TBX15: variants seen among roughly 807,000 people sequenced by gnomAD.
TBX15 encodes the protein T-box transcription factor 15.
Under a neutral mutation model 53.9 loss-of-function variants are expected in TBX15, and 18 were observed. The observed-to-expected ratio is 0.33, with a 90% CI of 0.23 to 0.49. The LOEUF (loss-of-function observed/expected upper bound fraction) is 0.49. Ranked by LOEUF, TBX15 falls within the 20% of genes least tolerant of loss-of-function variation. The pLI is 0.98. For synonymous variants in TBX15, 295 were observed against 278.0 expected, an observed-to-expected ratio of 1.06 and a Z score of -0.61; for missense variants, 692 against 749.5, an observed-to-expected ratio of 0.92 and a Z score of 0.90.
intron 5 of TBX15, among the ~76,000 whole-genome samples, chr1:118,917,344 C>G (rs1393142804): frequency 1.3e-5 from 2 of 152,122 alleles, no homozygotes; most frequent in African/African-American, 4.8e-5. Flanking sequence ...CACATGTTCT[C>G]TCTTATAAGT....
intron 5 of TBX15, among the ~76,000 whole-genome samples, chr1:118,914,965 A>C (rs1390155683): frequency 6.6e-6 from 1 of 152,144 alleles, no homozygotes; most frequent in Non-Finnish European, 1.5e-5. Flanking sequence ...TTCAACCCCC[A>C]CTCAATGCAT....
chr1:118,978,650 T>C (rs2101049612), intron 1 of TBX15, among the ~76,000 whole-genome samples: 2 of 152,318 alleles, frequency 1.3e-5, no homozygotes, highest in Non-Finnish European at 2.9e-5. Flanking sequence ...ATGGATATAA[T>C]ACAGAACATG....
chr1:118,949,632 G>A (rs765652183), intron 1 of TBX15, among the ~76,000 whole-genome samples: 1 of 152,236 alleles, frequency 6.6e-6, no homozygotes, highest in African/African-American at 2.4e-5. Context: ...GTGTGATCAA[G>A]TCACTCAAGA....
At chr1:118,894,400 A>G (rs1654350175) in intron 7 of TBX15, among the ~76,000 whole-genome samples, 1 of 152,214 alleles carries the variant, frequency 6.6e-6, no homozygotes, top group Non-Finnish European at 1.5e-5. Context: ...GACAATGTTA[A>G]GGAATATGTC....
intron 1 of TBX15, among the ~76,000 whole-genome samples, chr1:118,960,976 G>T (rs997957625): frequency 6.6e-6 from 1 of 152,172 alleles, no homozygotes; most frequent in Admixed American, 6.5e-5. Flanking sequence ...AGATCTGCAG[G>T]CAGCAGCAGT....
chr1:118,971,519 C>A (rs1251672036), intron 1 of TBX15, among the ~76,000 whole-genome samples: 1 of 152,172 alleles, frequency 6.6e-6, no homozygotes, highest in African/African-American at 2.4e-5. Context: ...CAGTGCTCTC[C>A]AGGGTTTTGC....
At chr1:118,895,821 A>C (rs934101128) in intron 7 of TBX15, among the ~76,000 whole-genome samples, 4 of 152,228 alleles carry the variant, frequency 2.6e-5, no homozygotes, top group African/African-American at 9.6e-5. Context: ...CAATAGGAAG[A>C]GCAAACTAAA....
At chr1:118,925,168 C>T (rs991100645) in intron 3 of TBX15, among the ~76,000 whole-genome samples, 1 of 152,214 alleles carries the variant, frequency 6.6e-6, no homozygotes, top group African/African-American at 2.4e-5. Flanking sequence ...CCTGAACTCA[C>T]ATGTCTAGCT....
At chr1:118,948,266 A>G (rs1656406840) in intron 1 of TBX15, among the ~76,000 whole-genome samples, 1 of 152,108 alleles carries the variant, frequency 6.6e-6, no homozygotes, top group South Asian at 2.1e-4. Context: ...CATCTTTAAA[A>G]GGTCAGTTTA....
Position 118,987,768 on chromosome 1 carries a change from C to A in TBX15, c.28G>T (p.Ala10Ser), listed in dbSNP as rs1477868244. Residue 10 changes from alanine (A) to serine (S), a missense_variant, in exon 1 of 8, where the codon GCC becomes TCC. Around this residue, in one of 3 missense-constraint regions of TBX15, gnomAD observed 307 missense variants for 347.5 expected, o/e 0.88. Transcript: ENST00000369429. ...AAGGCATGTGCTCGCGAGCTCAGGGCGACTGCAGATCTTCTCCTTTCACTC... is the reference window on the plus strand; with the variant it reads ...AAGGCATGTGCTCGCGAGCTCAGGGAGACTGCAGATCTTCTCCTTTCACTC... The part of the protein sequence containing the change: MSERRRSAV[A>S]LSSRAHAFSV... 1.7e-5 allele frequency: 27 copies of A among 1,550,086 alleles called. No homozygotes were observed. The highest frequency in any genetic ancestry group is 1.2e-4 in the Admixed American group (6 of 50,990).
chr1:118,930,460 G>A (rs1397751198), intron 2 of TBX15, among the ~76,000 whole-genome samples: 1 of 152,164 alleles, frequency 6.6e-6, no homozygotes, highest in East Asian at 1.9e-4. Flanking sequence ...CTCTCACCCA[G>A]GGTGGAGTGC....
Position 118,883,325 on chromosome 1 carries a change from C to T in TBX15, c.*1407G>A, listed in dbSNP as rs1653789736. 1 of 152,586 alleles carries T rather than the reference C, an allele frequency of 6.6e-6. No individual in the cohort carries two copies. The highest frequency in any genetic ancestry group is 6.5e-5 in the Admixed American group (1 of 15,276). The allele number at this position is 152,586 out of a possible 1,614,324, so 9.5% of individuals were successfully genotyped here. A position where few individuals can be genotyped will look rare whatever the true frequency, so the allele number is the denominator to read the frequency against. On this transcript the variant is annotated 3_prime_UTR_variant, in exon 8 of 8. Coordinates refer to ENST00000369429, the MANE Select transcript of TBX15 (RefSeq NM_001330677.2). ...TTTAAAAATTTTAGCTTGCACCAAG[C>T]TTCACTTGCTTTCTTACCATTAAAA...
chr1:118,961,054 G>C lies in TBX15; in HGVS notation c.205+26537C>G, dbSNP rs553676117. 1.9e-4 allele frequency among the ~76,000 whole-genome samples: 29 copies of C among 152,306 alleles called. No individual in the cohort carries two copies. The South Asian group carries it at 6.0e-3, about 32-fold the overall frequency. On this transcript the variant is annotated intron_variant, in intron 1 of 7. Transcript: ENST00000369429. ...GCTGGGCTATAGGAACTGCAGGAGA[G>C]TGGTGGCCCCCAAGGACTGGGAATT...
chr1:118,896,244 C>T (rs1332878162), intron 7 of TBX15, among the ~76,000 whole-genome samples: 1 of 152,130 alleles, frequency 6.6e-6, no homozygotes, highest in African/African-American at 2.4e-5. Context: ...GTGTCAAAGG[C>T]AGAAGATAAT....
intron 5 of TBX15, among the ~76,000 whole-genome samples, chr1:118,914,517 A>G (rs993079138): frequency 2.0e-5 from 3 of 152,220 alleles, no homozygotes; most frequent in Admixed American, 1.3e-4. Flanking sequence ...TCCATGGTAC[A>G]TGACACACGG....
chr1:118,955,318 A>G (rs1656648556), intron 1 of TBX15, among the ~76,000 whole-genome samples: 1 of 152,144 alleles, frequency 6.6e-6, no homozygotes, highest in Admixed American at 6.5e-5. Context: ...TACAAGGGAA[A>G]CTCCAGAACC....
At chr1:118,947,582 G>A (rs1656387140) in intron 1 of TBX15, among the ~76,000 whole-genome samples, 1 of 152,140 alleles carries the variant, frequency 6.6e-6, no homozygotes, top group Non-Finnish European at 1.5e-5. Context: ...ACTCAATGAG[G>A]CACCAGCAAA....
intron 7 of TBX15, 57 bp downstream of exon 7, chr1:118,898,971 G>A: frequency 1.3e-6 from 2 of 1,554,298 alleles, no homozygotes; most frequent in Non-Finnish European, 1.8e-6. Context: ...ATTCGGTTGA[G>A]CTCCCACTCT....
chr1:118,960,757 A>G (rs1393764755), intron 1 of TBX15, among the ~76,000 whole-genome samples: 1 of 152,126 alleles, frequency 6.6e-6, no homozygotes, highest in Non-Finnish European at 1.5e-5. Context: ...GGAAATAGGG[A>G]CAAGCGGCCA....
Sources: allele counts gnomAD v4.1 joint callset (sites outside exome capture counted in the v4.1 genomes callset), GRCh38; gene constraint gnomAD v4.1.1; regional missense constraint gnomAD v4.1.1; transcripts MANE v1.5; gene names NCBI Gene and HGNC (gene_info 2026-07-23, HGNC 2026-07-21).